Variants in HSD17B12 observed in about 807,000 individuals in gnomAD.
The protein encoded by HSD17B12 is hydroxysteroid 17-beta dehydrogenase 12.
Under a neutral mutation model 39.3 loss-of-function variants are expected in HSD17B12, and 32 were observed. The observed-to-expected ratio is 0.81, with a 90% CI of 0.61 to 1.09. The LOEUF (loss-of-function observed/expected upper bound fraction) is 1.09, where lower values mean the gene tolerates loss of function less well. Ranked by LOEUF, HSD17B12 falls within the 50% of genes least tolerant of loss-of-function variation. The probability of loss-of-function intolerance (pLI) is 0.00; values close to 1 mark genes in which losing one functional copy is unlikely to be tolerated. For synonymous variants in HSD17B12, 150 were observed against 146.7 expected (o/e 1.02, Z -0.16); for missense variants, 342 against 382.9 (o/e 0.89, Z 0.89).
intron 1 of HSD17B12, among the ~76,000 whole-genome samples, chr11:43,711,287 A>G (rs1029201410): frequency 5.9e-5 from 9 of 152,150 alleles, no homozygotes; most frequent in African/African-American, 1.7e-4. Context: ...TTAGTGTATC[A>G]TTTTATAAAT....
At chr11:43,592,059 TGA>T in the HSD17B12 span, among the ~76,000 whole-genome samples, 1 of 152,274 alleles carries the variant, frequency 6.6e-6, no homozygotes, top group East Asian at 1.9e-4. Context: ...AATTTTAAAC[TGA>T]GAGCATTTTT....
At chr11:43,781,839 A>G (rs1565087169) in intron 3 of HSD17B12, among the ~76,000 whole-genome samples, 3 of 152,200 alleles carry the variant, frequency 2.0e-5, no homozygotes, top group Admixed American at 6.5e-5. Context: ...TATAAGCTGT[A>G]TATGTACTTT....
intron 1 of HSD17B12, among the ~76,000 whole-genome samples, chr11:43,695,846 A>G (rs570695669): frequency 3.9e-5 from 6 of 152,232 alleles, no homozygotes; most frequent in Non-Finnish European, 4.4e-5. Flanking sequence ...AAATACATAT[A>G]TTTCTAACTT....
At chr11:43,744,693 G>A (rs1168962449) in intron 1 of HSD17B12, among the ~76,000 whole-genome samples, 1 of 152,120 alleles carries the variant, frequency 6.6e-6, no homozygotes, top group Admixed American at 6.5e-5. Context: ...AATAAGATAT[G>A]GACTTTCATT....
At chr11:43,813,704 A>G (rs1037470353) in intron 4 of HSD17B12, among the ~76,000 whole-genome samples, 3 of 152,204 alleles carry the variant, frequency 2.0e-5, no homozygotes, top group Non-Finnish European at 4.4e-5. Context: ...CAGATCTTTT[A>G]TAGAATTGAC....
the HSD17B12 span, among the ~76,000 whole-genome samples, chr11:43,607,439 C>T: frequency 6.6e-6 from 1 of 152,202 alleles, no homozygotes; most frequent in Non-Finnish European, 1.5e-5. Context: ...AAAAGCCGCT[C>T]AAGCACTGAT....
chr11:43,775,429 G>A (rs1950690816), intron 3 of HSD17B12, among the ~76,000 whole-genome samples: 1 of 152,032 alleles, frequency 6.6e-6, no homozygotes, highest in South Asian at 2.1e-4. Context: ...CGTGCTGTCG[G>A]GGATCATTTG....
chr11:43,567,651 C>G, the HSD17B12 span, among the ~76,000 whole-genome samples: 3 of 152,182 alleles, frequency 2.0e-5, no homozygotes. Flanking sequence ...TTAAAGCATC[C>G]GAGCATCCTG....
At chr11:43,801,595 G>GAT (rs55674379) in intron 4 of HSD17B12, among the ~76,000 whole-genome samples, 1,818 of 72,182 alleles carry the variant, frequency 0.025, 31 homozygotes, top group African/African-American at 0.06. Flanking sequence ...GATAGTTGGA[G>GAT]ATATATATAT....
At chr11:43,578,022 G>A in the HSD17B12 span, among the ~76,000 whole-genome samples, 1 of 152,208 alleles carries the variant, frequency 6.6e-6, no homozygotes, top group African/African-American at 2.4e-5. Flanking sequence ...ATCAGAGGCA[G>A]AGGGGGAATG....
At chr11:43,681,138 C>T (rs942298679) in intron 1 of HSD17B12, 151 bp downstream of exon 1, 3 of 1,418,644 alleles carry the variant, frequency 2.1e-6, no homozygotes, top group East Asian at 5.3e-5. Context: ...CCTCCTGGCT[C>T]CCTTGGCTGT....
At chr11:43,818,908 A>T (rs1951155466) in intron 6 of HSD17B12, among the ~76,000 whole-genome samples, 1 of 152,202 alleles carries the variant, frequency 6.6e-6, no homozygotes, top group Non-Finnish European at 1.5e-5. Context: ...GTTTTTGATC[A>T]AAAATATCAC....
chr11:43,626,804 A>T, the HSD17B12 span, among the ~76,000 whole-genome samples: 2 of 152,124 alleles, frequency 1.3e-5, no homozygotes, highest in South Asian at 4.1e-4. Context: ...AATAAATGTT[A>T]TGCATTTTAT....
intron 3 of HSD17B12, among the ~76,000 whole-genome samples, chr11:43,758,793 C>T (rs1377703270): frequency 6.6e-6 from 1 of 152,168 alleles, no homozygotes; most frequent in East Asian, 1.9e-4. Flanking sequence ...AGGCACTTCT[C>T]CAGTGGGTAC....
At chr11:43,770,677 A>G (rs940889086) in intron 3 of HSD17B12, among the ~76,000 whole-genome samples, 3 of 152,170 alleles carry the variant, frequency 2.0e-5, no homozygotes, top group African/African-American at 7.2e-5. Context: ...TGAGGCTGCA[A>G]TGAGCCACTG....
chr11:43,666,936 C>T, the HSD17B12 span, among the ~76,000 whole-genome samples: 4 of 152,144 alleles, frequency 2.6e-5, no homozygotes, highest in African/African-American at 7.2e-5. Flanking sequence ...TCAATAATTG[C>T]GTGTTTACTT....
chr11:43,600,414 A>G, the HSD17B12 span, among the ~76,000 whole-genome samples: 1 of 149,710 alleles, frequency 6.7e-6, no homozygotes, highest in African/African-American at 2.5e-5. Flanking sequence ...TTCTTGTTTC[A>G]CTCTTCATTT....
At chr11:43,720,146 C>T (rs1414886652) in intron 1 of HSD17B12, among the ~76,000 whole-genome samples, 1 of 152,182 alleles carries the variant, frequency 6.6e-6, no homozygotes, top group Non-Finnish European at 1.5e-5. Flanking sequence ...TCCCCAGAGA[C>T]CATTTTTAAA....
At chr11:43,594,631 A>T in the HSD17B12 span, among the ~76,000 whole-genome samples, 1 of 151,884 alleles carries the variant, frequency 6.6e-6, no homozygotes, top group African/African-American at 2.4e-5. Flanking sequence ...GCTTTCTAAG[A>T]GCTAATGATC....
Sources: allele counts gnomAD v4.1 joint callset (sites outside exome capture counted in the v4.1 genomes callset), GRCh38; gene constraint gnomAD v4.1.1; transcripts MANE v1.5; gene names NCBI Gene and HGNC (gene_info 2026-07-23, HGNC 2026-07-21).